Variants in MARVELD3 observed in about 807,000 individuals in gnomAD.
MARVELD3 encodes MARVEL domain-containing protein 3.
In MARVELD3, 28 loss-of-function variants were observed where a neutral mutation model predicts 33.5. The observed-to-expected ratio is 0.84, with a 90% CI of 0.62 to 1.15. MARVELD3 has a LOEUF of 1.15. Ranked by LOEUF, MARVELD3 falls within the 50% of genes most tolerant of loss-of-function variation. The pLI is 0.00. For synonymous variants in MARVELD3, 241 were observed against 230.4 expected, an observed-to-expected ratio of 1.05 and a Z score of -0.42; for missense variants, 582 against 547.6, an observed-to-expected ratio of 1.06 and a Z score of -0.63.
intron 2 of MARVELD3, 136 bp downstream of exon 2, chr16:71,629,630 T>A (rs2044508905): frequency 3.6e-6 from 2 of 558,526 alleles, no homozygotes; most frequent in South Asian, 1.2e-4. Flanking sequence ...ACTTGTGAGG[T>A]TCTTGTTTTC....
intron 2 of MARVELD3, among the ~76,000 whole-genome samples, chr16:71,630,871 A>G (rs2044526366): frequency 6.6e-6 from 1 of 152,148 alleles, no homozygotes; most frequent in East Asian, 1.9e-4. Flanking sequence ...ACAGTCTGAA[A>G]AACACTTCCA....
Position 71,635,529 on chromosome 16 carries a change from C to T in MARVELD3, c.*726C>T. On this transcript the variant is annotated 3_prime_UTR_variant, in exon 3 of 3. Transcript: ENST00000268485. ...GGCTGAGGTAGGAGGATTGCTTGAA[C>T]CCAGGAGTTCAAGTTTGCAGTGCGC... 1.0e-6 allele frequency: 1 copy of T among 983,698 alleles called. No individual in the cohort carries two copies. Among genetic ancestry groups the T allele is most frequent in the Non-Finnish European group, 1.2e-6 (1 of 828,630 alleles). The allele number at this position is 983,698 out of a possible 1,614,324, so 60.9% of individuals were successfully genotyped here.
At position 71,634,912 on chromosome 16, in the gene MARVELD3, C is replaced by A. The variant is rs113317480; in HGVS notation, c.*109C>A. ...GAAGTTTCCAGTGCTGGAAAAGCAG[C>A]GAGCCAGCGTTGGTGTGGTGGGCGG... is the stretch of plus-strand genomic sequence containing the variant. On this transcript the variant is annotated 3_prime_UTR_variant, in exon 3 of 3. Coordinates refer to ENST00000268485, the MANE Select transcript of MARVELD3 (RefSeq NM_052858.6). 36 of 1,482,980 alleles carry A rather than the reference C, an allele frequency of 2.4e-5. No homozygotes were observed. The highest frequency in any genetic ancestry group is 2.0e-4 in the African/African-American group (14 of 70,922). The allele number at this position is 1,482,980 out of a possible 1,614,324, so 91.9% of individuals were successfully genotyped here.
chr16:71,626,445 C>G lies in MARVELD3; in HGVS notation c.216C>G (p.Asn72Lys), dbSNP rs76434914. 5.4e-4 allele frequency: 839 copies of G among 1,549,102 alleles called. 3 individuals carry two copies. In the African/African-American group the frequency reaches 7.5e-3, roughly 14 times the overall value. The change falls in exon 1 of 3, where the codon AAC (asparagine) becomes AAG (lysine). Residue 72 changes from asparagine (N) to lysine (K), a missense_variant. Transcript: ENST00000268485. This position sits in a 1 kb window ranked among gnomAD's most constrained non-coding sequence, Gnocchi z 5.3. ...AGAGGGACGGGAACCGCGACCGGAA[C>G]CGGGACCGGGAGAGGGAGAGAGAGA... ...DQERDGNRDR[N>K]RDRERERERE...
chr16:71,629,406 G>A lies in MARVELD3; in HGVS notation c.507G>A (p.Arg169=). 1 of 1,576,216 alleles carries A rather than the reference G, an allele frequency of 6.3e-7. No individual in the cohort carries two copies. The highest frequency in any genetic ancestry group is 8.6e-7 in the Non-Finnish European group (1 of 1,164,716). Residue 169 remains arginine (R), a synonymous_variant, in exon 2 of 3, where the codon AGG becomes AGA. Coordinates refer to ENST00000268485, the MANE Select transcript of MARVELD3 (RefSeq NM_052858.6). ...PSERYLPSTP[R]PGREEVEYYQ... is the part of the protein sequence containing the mutation. ...AGAGATATCTGCCCTCGACCCCCAGGCCTGGACGAGAGGAGGTGGAATATT... is the reference window on the plus strand; with the variant it reads ...AGAGATATCTGCCCTCGACCCCCAGACCTGGACGAGAGGAGGTGGAATATT...
At chr16:71,634,113 G>A (rs2044558166) in intron 2 of MARVELD3, 80 bp from the exon 3 acceptor site, 5 of 1,539,622 alleles carry the variant, frequency 3.2e-6, no homozygotes, top group East Asian at 2.3e-5. Context: ...TGAGCCCTGC[G>A]CGGAAGGTGG....
intron 2 of MARVELD3, among the ~76,000 whole-genome samples, chr16:71,630,141 C>T (rs1396060676): frequency 2.0e-5 from 3 of 150,856 alleles, no homozygotes; most frequent in Non-Finnish European, 2.9e-5. Flanking sequence ...AATCCCAGCA[C>T]TCTGGGAGGT....
Position 71,635,028 on chromosome 16 carries a change from T to G in MARVELD3, c.*225T>G. 1 of 1,241,102 alleles carries G rather than the reference T, an allele frequency of 8.1e-7. No individual in the cohort carries two copies. Among genetic ancestry groups the G allele is most frequent in the African/African-American group, 1.5e-5 (1 of 66,094 alleles). The allele number at this position is 1,241,102 out of a possible 1,614,324, so 76.9% of individuals were successfully genotyped here. On this transcript the variant is annotated 3_prime_UTR_variant, in exon 3 of 3. Coordinates refer to ENST00000268485, the MANE Select transcript of MARVELD3 (RefSeq NM_052858.6). ...AGTGAGGGACCAATCAAAATTATTT[T>G]TCAAAAAGCAAAAAAATGGCCGGCC...
downstream of MARVELD3, chr16:71,636,486 T>C (rs1163789289): frequency 1.3e-5 from 2 of 152,240 alleles, no homozygotes; most frequent in Non-Finnish European, 2.9e-5. Context: ...TCAGTTTTTT[T>C]CAGGACCACA....
downstream of MARVELD3, chr16:71,640,799 A>C (rs561280267): frequency 1.2e-6 from 2 of 1,614,200 alleles, no homozygotes; most frequent in South Asian, 2.2e-5. Flanking sequence ...ACACTTGCAA[A>C]ACAAGAGAGA....
downstream of MARVELD3, chr16:71,641,225 G>C (rs1235038288): frequency 9.3e-6 from 6 of 643,580 alleles, no homozygotes; most frequent in Non-Finnish European, 1.3e-5. Context: ...GGCTGAGGTG[G>C]GCGGATCGCT....
At chr16:71,630,555 C>T (rs28687687) in intron 2 of MARVELD3, among the ~76,000 whole-genome samples, 7,678 of 149,528 alleles carry the variant, frequency 0.051, 675 homozygotes, top group African/African-American at 0.18. Context: ...ACCCGGGAGG[C>T]GGAGGTTGCA....
chr16:71,641,168 TGAG>T, downstream of MARVELD3: 2 of 1,097,062 alleles, frequency 1.8e-6, no homozygotes, highest in Non-Finnish European at 2.6e-6. Context: ...GTTAAAGAAT[TGAG>T]GACGGGCATG....
downstream of MARVELD3, among the ~76,000 whole-genome samples, chr16:71,639,695 C>A (rs2044604106): frequency 6.6e-6 from 1 of 151,756 alleles, no homozygotes; most frequent in South Asian, 2.1e-4. Flanking sequence ...GATCTGCCCG[C>A]CTCAGCCTCC....
In MARVELD3 at chr16:71,629,567, A is replaced by G. The variant is rs780940295; in HGVS notation, c.595+73A>G. The G allele has an allele frequency of 6.2e-6, 9 of 1,456,338 alleles. No individual in the cohort carries two copies. The South Asian group carries it at 1.1e-4, about 17-fold the overall frequency. The allele number at this position is 1,456,338 out of a possible 1,614,324, so 90.2% of individuals were successfully genotyped here. ...CTGGAAGGGATGGTCTGAGCTGGTG[A>G]AGCAAAAATTTAAGCAGATTCCCTT... On this transcript the variant is annotated intron_variant, in intron 2 of 2. Transcript: ENST00000268485.
chr16:71,640,981 GA>G (rs1237245070), downstream of MARVELD3: 1 of 1,612,946 alleles, frequency 6.2e-7, no homozygotes. Context: ...GAACAGCCCG[GA>G]AGTTACAGTG....
At chr16:71,627,109 C>T (rs1378176481) in intron 1 of MARVELD3, among the ~76,000 whole-genome samples, 1 of 152,222 alleles carries the variant, frequency 6.6e-6, no homozygotes, top group Admixed American at 6.5e-5. Context: ...CAGCCCTTCC[C>T]GACTCCAAAG....
rs1266497793 is a variant in MARVELD3 at position 71,634,590 on chromosome 16, C to T, written c.993C>T (p.Ala331=). The part of the protein sequence containing the change: ...LYFYFHYLSA[A]YGSPVCKERQ... ...TCTACTTCCACTACCTCTCTGCTGC[C>T]TATGGCTCTCCTGTGTGTAAAGAGA... The change falls in exon 3 of 3, where the codon GCC becomes GCT. Residue 331 remains alanine (A), a synonymous_variant. Coordinates refer to ENST00000268485, the MANE Select transcript of MARVELD3 (RefSeq NM_052858.6). 1.9e-6 allele frequency: 3 copies of T among 1,614,094 alleles called. No individual in the cohort carries two copies. The African/African-American group carries it at 4.0e-5, about 22-fold the overall frequency.
rs900540421 is a variant in MARVELD3 at position 71,635,570 on chromosome 16, A to G, written c.*767A>G. 1.3e-4 allele frequency: 131 copies of G among 981,844 alleles called. No individual in the cohort carries two copies. The highest frequency in any genetic ancestry group is 1.5e-4 in the Non-Finnish European group (123 of 827,150). The allele number at this position is 981,844 out of a possible 1,614,324, so 60.8% of individuals were successfully genotyped here. ...TGCAGTGCGCTATGATTGTCCCACT[A>G]CACTCTAGCCTGAGCAACAGACCAA... On this transcript the variant is annotated 3_prime_UTR_variant, in exon 3 of 3. Transcript: ENST00000268485.
Sources: gnomAD v4.1 joint callset for allele counts (sites outside exome capture counted in the v4.1 genomes callset) on GRCh38, gnomAD v4.1.1 for gene constraint, Gnocchi (gnomAD v3.1) non-coding constraint, MANE v1.5 for transcripts, NCBI Gene and HGNC (gene_info 2026-07-23, HGNC 2026-07-21) for gene names.